ZBTB11: variants seen among roughly 807,000 people sequenced by gnomAD.
The protein encoded by ZBTB11 is zinc finger and BTB domain containing 11, also known as zinc finger and BTB domain-containing protein 11.
A neutral mutation model predicts 113.1 loss-of-function variants in ZBTB11; 68 were observed. The ratio of observed to expected loss-of-function variants is 0.60; its 90% CI spans 0.49 to 0.74. ZBTB11 has a LOEUF of 0.74. Ranked by LOEUF, ZBTB11 falls within the 30% of genes least tolerant of loss-of-function variation. The pLI, the probability that ZBTB11 is intolerant of heterozygous loss-of-function variation, is 0.00. For synonymous variants in ZBTB11, 518 were observed against 452.6 expected, an observed-to-expected ratio of 1.14 and a Z score of -1.83; for missense variants, 1,104 against 1,279.4, an observed-to-expected ratio of 0.86 and a Z score of 2.09.
chr3:101,668,318 AAC>A (rs1937028965), intron 3 of ZBTB11, among the ~76,000 whole-genome samples: 1 of 152,152 alleles, frequency 6.6e-6, no homozygotes, highest in Non-Finnish European at 1.5e-5. Context: ...TATAGTTAAC[AAC>A]AGTTTATGGT....
intron 3 of ZBTB11, among the ~76,000 whole-genome samples, chr3:101,666,532 G>A (rs1451805381): frequency 6.6e-6 from 1 of 152,164 alleles, no homozygotes; most frequent in African/African-American, 2.4e-5. Context: ...CTATACACAT[G>A]AGGTATTACA....
rs111336459 is a variant in ZBTB11 at position 101,667,300 on chromosome 3, A to G, written c.779-1492T>C. 4.4e-3 allele frequency among the ~76,000 whole-genome samples: 663 copies of G among 152,300 alleles called. 5 individuals are homozygous for G. The highest frequency in any genetic ancestry group is 0.014 in the African/African-American group (595 of 41,560). ...AGGGATACTCCTGCCTTGGCATCTCAAAGTCCTTGGATTACAGGTGTGAGC... is the reference window on the plus strand; with the variant it reads ...AGGGATACTCCTGCCTTGGCATCTCGAAGTCCTTGGATTACAGGTGTGAGC... On this transcript the variant is annotated intron_variant, in intron 3 of 10. Coordinates refer to ENST00000312938, the MANE Select transcript of ZBTB11 (RefSeq NM_014415.4).
rs758614153 is a variant in ZBTB11 at position 101,665,208 on chromosome 3, A to G, written c.1379T>C (p.Ile460Thr). The G allele has an allele frequency of 1.3e-5, 21 of 1,614,090 alleles. No homozygotes were observed. The highest frequency in any genetic ancestry group is 1.7e-5 in the Admixed American group (1 of 60,004). Residue 460 changes from isoleucine (I) to threonine (T), a missense_variant, in exon 4 of 11, where the codon ATA becomes ACA. Ile to Thr is a moderately conservative substitution (Grantham distance 89). Around this residue, in one of 5 missense-constraint regions of ZBTB11, gnomAD observed 535 missense variants for 518.6 expected, o/e 1.03. Transcript: ENST00000312938. ...TTCGGCACAAATATCCTCAGCTGAT[A>G]TATCATTTCCCATACCACTATCCTC... ...SPEDSGMGNDISAEDICAEDI... is the reference protein window; with the variant it reads ...SPEDSGMGNDTSAEDICAEDI...
intron 3 of ZBTB11, 76 bp downstream of exon 3, chr3:101,671,054 G>A: frequency 8.1e-7 from 1 of 1,231,110 alleles, no homozygotes. Context: ...TAAAGTCCGT[G>A]TGTGGAAGAC....
chr3:101,653,651 G>T (rs1432722923), intron 8 of ZBTB11, among the ~76,000 whole-genome samples: 1 of 152,028 alleles, frequency 6.6e-6, no homozygotes, highest in Non-Finnish European at 1.5e-5. Context: ...AGACTAATTA[G>T]AGTAACATCA....
chr3:101,674,490 C>A (rs1937130950), intron 1 of ZBTB11, among the ~76,000 whole-genome samples: 1 of 152,036 alleles, frequency 6.6e-6, no homozygotes, highest in Admixed American at 6.6e-5. Flanking sequence ...GTGAGCAGAT[C>A]ATCTGAGCTC....
At chr3:101,655,241 T>C (rs956869094) in intron 7 of ZBTB11, among the ~76,000 whole-genome samples, 1 of 152,218 alleles carries the variant, frequency 6.6e-6, no homozygotes, top group Non-Finnish European at 1.5e-5. Context: ...ATGGAAGCTA[T>C]AACATTTGGC....
chr3:101,666,721 CAGCCA>C (rs1213271255), intron 3 of ZBTB11, among the ~76,000 whole-genome samples: 2 of 152,048 alleles, frequency 1.3e-5, no homozygotes, highest in African/African-American at 4.8e-5. Context: ...TTTCATTATA[CAGCCA>C]AGCCAATATT....
At chr3:101,658,795 T>C (rs984350395) in intron 6 of ZBTB11, among the ~76,000 whole-genome samples, 1 of 152,156 alleles carries the variant, frequency 6.6e-6, no homozygotes, top group African/African-American at 2.4e-5. Flanking sequence ...CTGGGTATAG[T>C]GTATACTGCT....
intron 1 of ZBTB11, among the ~76,000 whole-genome samples, chr3:101,675,461 G>A (rs1022827149): frequency 6.6e-6 from 1 of 152,200 alleles, no homozygotes; most frequent in Non-Finnish European, 1.5e-5. Flanking sequence ...ATTCACAGAC[G>A]AAGTAACCAA....
chr3:101,667,582 T>G (rs1225278861), intron 3 of ZBTB11, among the ~76,000 whole-genome samples: 1 of 152,114 alleles, frequency 6.6e-6, no homozygotes, highest in Non-Finnish European at 1.5e-5. Flanking sequence ...ATGTTAGGAC[T>G]CAGGCTGAAA....
rs1315311626 is a variant in ZBTB11 at position 101,648,974 on chromosome 3, C to T, written c.*2192G>A. 6.6e-6 allele frequency: 1 copy of T among 152,210 alleles called. No homozygotes were observed. The highest frequency in any genetic ancestry group is 1.5e-5 in the Non-Finnish European group (1 of 68,072). The allele number at this position is 152,210 out of a possible 1,614,324, so 9.4% of individuals were successfully genotyped here. ...ATTGCTGGATAAAGGTGGCTCTCAGCAGGATGGATGGGGAGCTGGAAAGGG... is the reference window on the plus strand; with the variant it reads ...ATTGCTGGATAAAGGTGGCTCTCAGTAGGATGGATGGGGAGCTGGAAAGGG... On this transcript the variant is annotated 3_prime_UTR_variant, in exon 11 of 11. Coordinates refer to ENST00000312938, the MANE Select transcript of ZBTB11 (RefSeq NM_014415.4).
intron 1 of ZBTB11, among the ~76,000 whole-genome samples, chr3:101,672,533 A>T (rs1289984302): frequency 6.6e-6 from 1 of 152,130 alleles, no homozygotes; most frequent in Non-Finnish European, 1.5e-5. Flanking sequence ...TGAAACTGCC[A>T]ATATTCACCT....
At chr3:101,652,453 G>T in intron 10 of ZBTB11, 43 bp downstream of exon 10, 1 of 1,576,034 alleles carries the variant, frequency 6.3e-7, no homozygotes, top group Non-Finnish European at 8.6e-7. Flanking sequence ...TACTGGACTG[G>T]CTTTTATTCT....
At chr3:101,658,695 A>G (rs1936838721) in intron 6 of ZBTB11, among the ~76,000 whole-genome samples, 1 of 152,184 alleles carries the variant, frequency 6.6e-6, no homozygotes, top group Non-Finnish European at 1.5e-5. Context: ...GTTCTCACTC[A>G]TAATTGGGAG....
chr3:101,655,036 C>A (rs1025377734), intron 7 of ZBTB11, among the ~76,000 whole-genome samples: 1 of 152,106 alleles, frequency 6.6e-6, no homozygotes, highest in Non-Finnish European at 1.5e-5. Context: ...TGCCACCACA[C>A]CCAGCTAATT....
At position 101,672,073 on chromosome 3, in the gene ZBTB11, C is replaced by G; in HGVS notation, c.451G>C (p.Glu151Gln). ...AAGTTGCTCAGGTCATCTTCCGATT[C>G]ATTACTTTCTTCTCCAGATTCAAGG... ...LDLESGEESNESEDDLSNFTS... is the reference protein window; with the variant it reads ...LDLESGEESNQSEDDLSNFTS... Residue 151 changes from glutamate (E) to glutamine (Q), a missense_variant, in exon 2 of 11, where the codon GAA becomes CAA. Glu to Gln is a conservative substitution (Grantham distance 29). Coordinates refer to ENST00000312938, the MANE Select transcript of ZBTB11 (RefSeq NM_014415.4). 1 of 1,614,148 alleles carries G rather than the reference C, an allele frequency of 6.2e-7. No homozygotes were observed. The highest frequency in any genetic ancestry group is 8.5e-7 in the Non-Finnish European group (1 of 1,180,006).
chr3:101,667,318 G>A (rs1346249412), intron 3 of ZBTB11, among the ~76,000 whole-genome samples: 2 of 152,172 alleles, frequency 1.3e-5, no homozygotes, highest in Non-Finnish European at 2.9e-5. Context: ...TGGATTACAG[G>A]TGTGAGCCAC....
intron 5 of ZBTB11, among the ~76,000 whole-genome samples, chr3:101,661,895 C>G (rs1462960507): frequency 6.6e-6 from 1 of 151,952 alleles, no homozygotes; most frequent in Non-Finnish European, 1.5e-5. Flanking sequence ...TCTTTCACTC[C>G]CATTTCTAAC....
Sources: allele counts gnomAD v4.1 joint callset (sites outside exome capture counted in the v4.1 genomes callset), GRCh38; gene constraint gnomAD v4.1.1; regional missense constraint gnomAD v4.1.1; transcripts MANE v1.5; gene names NCBI Gene and HGNC (gene_info 2026-07-23, HGNC 2026-07-21).